Variants in IMMP2L observed in about 807,000 individuals in gnomAD.
IMMP2L encodes the protein mitochondrial inner membrane protease subunit 2.
IMMP2L carries 18 observed loss-of-function variants against 19.3 expected under a neutral mutation model. The observed-to-expected ratio is 0.93, with a 90% CI of 0.64 to 1.38. IMMP2L has a LOEUF of 1.38. IMMP2L is among the 40% of genes most tolerant of loss of function. The pLI is 0.00. For synonymous variants in IMMP2L, 76 were observed against 73.0 expected (o/e 1.04, Z -0.21); for missense variants, 233 against 218.2 (o/e 1.07, Z -0.43).
intron 5 of IMMP2L, among the ~76,000 whole-genome samples, chr7:110,860,102 A>T (rs1807238201): frequency 6.6e-6 from 1 of 152,118 alleles, no homozygotes; most frequent in Admixed American, 6.6e-5. Flanking sequence ...AGAGATCAAC[A>T]TCAATGGTTA....
chr7:110,948,209 T>C (rs1199417229), intron 4 of IMMP2L, among the ~76,000 whole-genome samples: 1 of 152,190 alleles, frequency 6.6e-6, no homozygotes, highest in East Asian at 1.9e-4. Context: ...CTATCATTAA[T>C]ATTTCTTTCA....
At chr7:110,921,542 C>A (rs1426678453) in intron 4 of IMMP2L, among the ~76,000 whole-genome samples, 1 of 152,156 alleles carries the variant, frequency 6.6e-6, no homozygotes, top group Non-Finnish European at 1.5e-5. Flanking sequence ...TCAAATTACC[C>A]TCCCTTTGAG....
At chr7:111,537,368 G>A (rs995722201) in intron 1 of IMMP2L, among the ~76,000 whole-genome samples, 9 of 151,918 alleles carry the variant, frequency 5.9e-5, no homozygotes, top group African/African-American at 2.2e-4. Context: ...ACATGGTAGT[G>A]AGCCAAAGTG....
Position 111,520,414 on chromosome 7 carries a change from C to A in IMMP2L, c.135+899G>T, listed in dbSNP as rs138548061. On this transcript the variant is annotated intron_variant, in intron 2 of 5. Coordinates refer to ENST00000405709, the MANE Select transcript of IMMP2L (RefSeq NM_032549.4). ...TTTCCTGACCTTCTGTATCTGACTA[C>A]CAGAACTCAGGGAGAAGTTCAATAC... 5.8e-4 allele frequency among the ~76,000 whole-genome samples: 88 copies of A among 152,140 alleles called. 2 individuals carry two copies. In the East Asian group the frequency reaches 0.012, roughly 21 times the overall value.
intron 5 of IMMP2L, among the ~76,000 whole-genome samples, chr7:110,771,267 T>C (rs1427560633): frequency 1.3e-5 from 2 of 152,026 alleles, no homozygotes; most frequent in Admixed American, 1.3e-4. Flanking sequence ...CACACGTTAG[T>C]GTTGATGCTG....
At chr7:111,521,026 C>T (rs1056271780) in intron 2 of IMMP2L, among the ~76,000 whole-genome samples, 3 of 152,066 alleles carry the variant, frequency 2.0e-5, no homozygotes, top group Non-Finnish European at 4.4e-5. Flanking sequence ...TCACAGAAAA[C>T]AGTGTCATTT....
chr7:111,142,340 A>AAAGAAAGAAAGAAAGAAAGAAAG (rs1803010076), intron 3 of IMMP2L, among the ~76,000 whole-genome samples: 1 of 16,330 alleles, frequency 6.1e-5, no homozygotes, highest in African/African-American at 7.8e-5. Flanking sequence ...AAAAAAAAAA[A>AAAGAAAGAAAGAAAGAAAGAAAG]AAAGAAAGAA....
intron 3 of IMMP2L, among the ~76,000 whole-genome samples, chr7:111,251,089 G>C (rs1263983296): frequency 1.3e-5 from 2 of 152,046 alleles, no homozygotes; most frequent in Admixed American, 6.5e-5. Context: ...GTTGGCAAAG[G>C]ACATGAACAG....
At chr7:110,927,416 G>T (rs1814977088) in intron 4 of IMMP2L, among the ~76,000 whole-genome samples, 1 of 152,082 alleles carries the variant, frequency 6.6e-6, no homozygotes, top group Admixed American at 6.6e-5. Context: ...GGGAAATTAG[G>T]GTTGGAGATG....
At chr7:110,979,791 G>T (rs983552372) in intron 3 of IMMP2L, among the ~76,000 whole-genome samples, 40 of 152,276 alleles carry the variant, frequency 2.6e-4, no homozygotes, top group African/African-American at 8.9e-4. Flanking sequence ...AAGGTGGAAA[G>T]GATGGAAAGT....
At chr7:111,385,150 G>A (rs1471514674) in intron 3 of IMMP2L, among the ~76,000 whole-genome samples, 1 of 152,126 alleles carries the variant, frequency 6.6e-6, no homozygotes, top group Non-Finnish European at 1.5e-5. Flanking sequence ...GGGAAAATAA[G>A]GCAAGGTGGA....
chr7:111,561,353 A>C (rs1226050617), intron 1 of IMMP2L, among the ~76,000 whole-genome samples: 1 of 152,118 alleles, frequency 6.6e-6, no homozygotes, highest in Non-Finnish European at 1.5e-5. Context: ...ATCCCAAAGA[A>C]CTTCAACACT....
chr7:110,693,206 A>C (rs1357800661), intron 5 of IMMP2L, among the ~76,000 whole-genome samples: 2 of 152,204 alleles, frequency 1.3e-5, no homozygotes, highest in African/African-American at 4.8e-5. Context: ...TCTACTTCTT[A>C]AGAAGGGCAG....
chr7:111,065,133 A>C (rs1383580847), intron 3 of IMMP2L, among the ~76,000 whole-genome samples: 4 of 152,234 alleles, frequency 2.6e-5, no homozygotes, highest in Admixed American at 2.6e-4. Flanking sequence ...AATTATCATG[A>C]GTATTTCCTT....
chr7:110,963,682 CCATGA>C (rs1180054781), intron 3 of IMMP2L, 117 bp from the exon 4 acceptor site: 2 of 489,316 alleles, frequency 4.1e-6, no homozygotes, highest in Non-Finnish European at 7.1e-6. Context: ...CCTTTGCACC[CCATGA>C]CATGACATCA....
intron 5 of IMMP2L, among the ~76,000 whole-genome samples, chr7:110,886,174 A>G (rs1810200573): frequency 1.3e-5 from 2 of 152,068 alleles, no homozygotes; most frequent in Admixed American, 6.6e-5. Context: ...ACATTTACCA[A>G]TATGATTTCT....
At chr7:110,862,679 G>C (rs1807569600) in intron 5 of IMMP2L, among the ~76,000 whole-genome samples, 1 of 151,760 alleles carries the variant, frequency 6.6e-6, no homozygotes, top group East Asian at 1.9e-4. Flanking sequence ...ATTTACTTTT[G>C]CATTCTCAAA....
At chr7:111,465,582 C>T (rs1395121415) in intron 3 of IMMP2L, among the ~76,000 whole-genome samples, 9 of 149,062 alleles carry the variant, frequency 6.0e-5, no homozygotes. Context: ...AAATGCTCAT[C>T]ATCACTGGCC....
intron 5 of IMMP2L, among the ~76,000 whole-genome samples, chr7:110,814,721 A>T (rs1191852885): frequency 6.7e-6 from 1 of 148,728 alleles, no homozygotes; most frequent in Non-Finnish European, 1.5e-5. Context: ...ATATATATGT[A>T]TATATATAAA....
Sources: gnomAD v4.1 joint callset for allele counts (sites outside exome capture counted in the v4.1 genomes callset) on GRCh38, gnomAD v4.1.1 for gene constraint, MANE v1.5 for transcripts, NCBI Gene and HGNC (gene_info 2026-07-23, HGNC 2026-07-21) for gene names.